The following VPS13D variants were observed in gnomAD, a reference collection of about 807,000 sequenced individuals.
VPS13D encodes intermembrane lipid transfer protein VPS13D.
A neutral mutation model predicts 461.9 loss-of-function variants in VPS13D; 187 were observed. The observed-to-expected ratio is 0.40, with a 90% CI of 0.36 to 0.46. The LOEUF (loss-of-function observed/expected upper bound fraction) is 0.46. VPS13D is among the 20% of genes least tolerant of loss of function. VPS13D has a pLI of 0.60. For missense variants in VPS13D, 4,711 were observed against 5,364.9 expected (o/e 0.88, Z 3.81); for synonymous variants, 1,951 against 1,986.3 (o/e 0.98, Z 0.47).
At chr1:12,259,960 C>T (rs1185192049) in intron 10 of VPS13D, among the ~76,000 whole-genome samples, 3 of 148,844 alleles carry the variant, frequency 2.0e-5, no homozygotes, top group Non-Finnish European at 3.0e-5. Flanking sequence ...CCTTTGTAAA[C>T]GGGGTCAGTG....
chr1:12,385,037 G>A (rs919441430), intron 58 of VPS13D, among the ~76,000 whole-genome samples: 1 of 152,154 alleles, frequency 6.6e-6, no homozygotes, highest in African/African-American at 2.4e-5. Flanking sequence ...ACCCCACTAC[G>A]TGAGGCTCTC....
intron 60 of VPS13D, among the ~76,000 whole-genome samples, chr1:12,391,869 A>T (rs530325879): frequency 4.3e-4 from 66 of 151,756 alleles, no homozygotes; most frequent in African/African-American, 1.5e-3. Context: ...TTTTTTAAAT[A>T]TTTTTTTTGA....
At position 12,243,016 on chromosome 1, in the gene VPS13D, G is replaced by A. The variant is rs570168916; in HGVS notation, c.175+426G>A. Among the ~76,000 whole-genome samples the A allele has an allele frequency of 1.5e-4, 23 of 149,722 alleles. No individual in the cohort carries two copies. The South Asian group carries it at 2.6e-3, about 17-fold the overall frequency. ...CACCGAGGCTGGAGTGCCGTGGTGC[G>A]ATCTCGGCTCACTGCAACCTCTGCC... On this transcript the variant is annotated intron_variant, in intron 3 of 69. Coordinates refer to ENST00000620676, the MANE Select transcript of VPS13D (RefSeq NM_015378.4).
chr1:12,255,244 C>G (rs373859285), intron 7 of VPS13D, among the ~76,000 whole-genome samples: 3 of 152,202 alleles, frequency 2.0e-5, no homozygotes, highest in Admixed American at 6.5e-5. Context: ...CCATGCCCGG[C>G]AGGTTTTTGT....
In VPS13D at chr1:12,363,144, G is replaced by T. The variant is rs1643976101; in HGVS notation, c.10345G>T (p.Asp3449Tyr). Residue 3449 changes from aspartate (D) to tyrosine (Y), a missense_variant, in exon 52 of 70, where the codon GAC becomes TAC. By Grantham distance (160) the Asp-to-Tyr change is radical (BLOSUM62 -3). Coordinates refer to ENST00000620676, the MANE Select transcript of VPS13D (RefSeq NM_015378.4). ...TGTGGTGTTCCACTGGCCTCGGAATGACTATGATCAGCTATTGTGTGTCAG... is the reference window on the plus strand; with the variant it reads ...TGTGGTGTTCCACTGGCCTCGGAATTACTATGATCAGCTATTGTGTGTCAG... ...SSVVFHWPRN[D>Y]YDQLLCVRLM... 2 of 1,614,102 alleles carry T rather than the reference G, an allele frequency of 1.2e-6. No individual in the cohort carries two copies. The highest frequency in any genetic ancestry group is 2.7e-5 in the African/African-American group (2 of 74,934).
At chr1:12,349,560 G>A (rs1643751396) in intron 46 of VPS13D, among the ~76,000 whole-genome samples, 186 bp downstream of exon 46, 1 of 152,100 alleles carries the variant, frequency 6.6e-6, no homozygotes, top group South Asian at 2.1e-4. Flanking sequence ...GGTGGGGTCT[G>A]GGGAGGCTTT....
chr1:12,463,115 A>G (rs1453876951), intron 67 of VPS13D, among the ~76,000 whole-genome samples: 1 of 152,126 alleles, frequency 6.6e-6, no homozygotes, highest in Non-Finnish European at 1.5e-5. Context: ...TTCATGAGAC[A>G]GCGATCTGCC....
At chr1:12,366,669 A>G (rs1644039657) in intron 52 of VPS13D, among the ~76,000 whole-genome samples, 1 of 152,230 alleles carries the variant, frequency 6.6e-6, no homozygotes, top group African/African-American at 2.4e-5. Flanking sequence ...ACTACTGCGA[A>G]CAGACCTATG....
chr1:12,333,466 A>C (rs991904862), intron 38 of VPS13D, 100 bp downstream of exon 38: 2 of 1,407,244 alleles, frequency 1.4e-6, no homozygotes, highest in African/African-American at 2.9e-5. Flanking sequence ...CTGGGCCTGT[A>C]CCAGGCATCA....
Position 12,401,667 on chromosome 1 carries a change from G to A in VPS13D, c.11844G>A (p.Lys3948=). 2 of 1,613,550 alleles carry A rather than the reference G, an allele frequency of 1.2e-6. No individual in the cohort carries two copies. The highest frequency in any genetic ancestry group is 1.3e-5 in the African/African-American group (1 of 75,044). The change falls in exon 62 of 70, where the codon AAG becomes AAA. Residue 3948 remains lysine, a synonymous_variant. Coordinates refer to ENST00000620676, the MANE Select transcript of VPS13D (RefSeq NM_015378.4). The part of the protein sequence containing the change: ...TVQIEEKLLL[K]LLSFFGYDQA... ...AAATTGAGGAGAAACTGCTCCTCAA[G>A]CTGCTAAGTTTCTTTGGCTACGATC...
chr1:12,268,513 A>G (rs1557675197), intron 15 of VPS13D, among the ~76,000 whole-genome samples, 193 bp from the exon 16 acceptor site: 1 of 152,004 alleles, frequency 6.6e-6, no homozygotes, highest in Non-Finnish European at 1.5e-5. Context: ...ACAACAGGCC[A>G]GTCTACACAA....
At chr1:12,390,254 A>G (rs1471302486) in intron 60 of VPS13D, among the ~76,000 whole-genome samples, 1 of 152,124 alleles carries the variant, frequency 6.6e-6, no homozygotes, top group African/African-American at 2.4e-5. Context: ...GCCATGGGAG[A>G]AACAGTACCA....
intron 47 of VPS13D, among the ~76,000 whole-genome samples, chr1:12,355,171 A>G (rs1643874892): frequency 6.6e-6 from 1 of 152,164 alleles, no homozygotes; most frequent in Non-Finnish European, 1.5e-5. Context: ...ATTGGCCAAG[A>G]CTCAGCTGTT....
chr1:12,278,133 T>C, intron 19 of VPS13D, 95 bp downstream of exon 19: 1 of 1,282,892 alleles, frequency 7.8e-7, no homozygotes, highest in Non-Finnish European at 1.1e-6. Flanking sequence ...AAAATCCTTT[T>C]CTTTTAGAAT....
At chr1:12,323,802 T>TA (rs772088422) in intron 35 of VPS13D, 22 bp downstream of exon 35, 1 of 1,611,122 alleles carries the variant, frequency 6.2e-7, no homozygotes, top group South Asian at 1.1e-5. Context: ...AGGGTTCTGT[T>TA]ACCCGTTGTT....
rs1000706460 is a variant in VPS13D, at chr1:12,431,748, G to A, written c.12333+14921G>A. On this transcript the variant is annotated intron_variant, in intron 65 of 69. Transcript: ENST00000620676. ...TGTTCTGTGTCAAGGTCAACTTACC[G>A]GAAGGGGCTGCAGGTAGTACAGCTC... 9.9e-5 allele frequency among the ~76,000 whole-genome samples: 15 copies of A among 151,978 alleles called. No homozygotes were observed. The East Asian group carries it at 1.9e-3, about 20-fold the overall frequency.
chr1:12,488,183 C>T (rs959377125), intron 67 of VPS13D, among the ~76,000 whole-genome samples: 2 of 152,208 alleles, frequency 1.3e-5, no homozygotes, highest in African/African-American at 4.8e-5. Flanking sequence ...ACTGCACTTT[C>T]GCATTTTGGT....
rs1159808578 is a variant in VPS13D at position 12,261,925 on chromosome 1, C to T, written c.1439C>T (p.Thr480Ile). ...GGCACTGAGGAGTTTTTTGACCCCA[C>T]TGCAGATGCCTCGTGTATGAACACG... Reference protein sequence around the residue: ...ILGTEEFFDPTADASCMNTYT... With the variant: ...ILGTEEFFDPIADASCMNTYT... Residue 480 changes from threonine (T) to isoleucine (I), a missense_variant, in exon 13 of 70, where the codon ACT (threonine) becomes ATT (isoleucine). Thr to Ile is a moderately conservative substitution (Grantham distance 89). Coordinates refer to ENST00000620676, the MANE Select transcript of VPS13D (RefSeq NM_015378.4). The T allele has an allele frequency of 2.5e-6, 4 of 1,612,968 alleles. No individual in the cohort carries two copies. Among genetic ancestry groups the T allele is most frequent in the Middle Eastern group, 1.7e-4 (1 of 6,058 alleles).
chr1:12,427,640 A>G (rs1644939713), intron 65 of VPS13D, among the ~76,000 whole-genome samples: 1 of 152,226 alleles, frequency 6.6e-6, no homozygotes, highest in African/African-American at 2.4e-5. Flanking sequence ...ATATACAGGA[A>G]GATGTGTGTA....
Sources: allele counts gnomAD v4.1 joint callset (sites outside exome capture counted in the v4.1 genomes callset), GRCh38; gene constraint gnomAD v4.1.1; transcripts MANE v1.5; gene names NCBI Gene and HGNC (gene_info 2026-07-23, HGNC 2026-07-21).